The following SGMS2 variants were observed in gnomAD, a reference collection of about 807,000 sequenced individuals.
The protein encoded by SGMS2 is phosphatidylcholine:ceramide cholinephosphotransferase 2.
A neutral mutation model predicts 43.8 loss-of-function variants in SGMS2; 21 were observed. The observed-to-expected ratio is 0.48, with a 90% CI of 0.34 to 0.69. The LOEUF (loss-of-function observed/expected upper bound fraction) is 0.69. Ranked by LOEUF, SGMS2 falls within the 30% of genes least tolerant of loss-of-function variation. The probability of loss-of-function intolerance (pLI) is 0.01; values close to 1 mark genes in which losing one functional copy is unlikely to be tolerated. For missense variants in SGMS2, 384 were observed against 443.2 expected, an observed-to-expected ratio of 0.87 and a Z score of 1.20; for synonymous variants, 167 against 160.6, an observed-to-expected ratio of 1.04 and a Z score of -0.30.
chr4:107,909,348 T>G (rs186797419), intron 6 of SGMS2, among the ~76,000 whole-genome samples: 2 of 152,252 alleles, frequency 1.3e-5, no homozygotes, highest in Non-Finnish European at 2.9e-5. Flanking sequence ...TGACCTCAGG[T>G]GATCCTCCCA....
rs541586197 is a variant in SGMS2 at position 107,898,543 on chromosome 4, A to C, written c.456-1032A>C. Among the ~76,000 whole-genome samples, 6 of 152,266 alleles carry C rather than the reference A, an allele frequency of 3.9e-5. No homozygotes were observed. The South Asian group carries it at 1.2e-3, about 32-fold the overall frequency. On this transcript the variant is annotated intron_variant, in intron 3 of 6. Transcript: ENST00000690982. ...CTAGAGTAATATGTTTTATGCAGTAATGAAGTTACACCTAGCAAGTCTAGG... is the reference window on the plus strand; with the variant it reads ...CTAGAGTAATATGTTTTATGCAGTACTGAAGTTACACCTAGCAAGTCTAGG...
At position 107,910,347 on chromosome 4, in the gene SGMS2, C is replaced by G. The variant is rs776309302; in HGVS notation, c.895-3C>G. On this transcript the variant is annotated splice_polypyrimidine_tract_variant and splice_region_variant and intron_variant, in intron 6 of 6. Transcript: ENST00000690982. ...CATTTAAATTTTTTTCTACCATTTA[C>G]AGAACTTGAAGGTCTCTTCACAGAC... is the stretch of plus-strand genomic sequence containing the variant. 1 of 1,611,474 alleles carries G rather than the reference C, an allele frequency of 6.2e-7. No homozygotes were observed. Among genetic ancestry groups the G allele is most frequent in the Non-Finnish European group, 8.5e-7 (1 of 1,178,850 alleles).
intron 2 of SGMS2, among the ~76,000 whole-genome samples, chr4:107,877,913 C>CTTTTTTTTTTTTTTTT (rs774442653): frequency 4.0e-4 from 41 of 102,186 alleles, no homozygotes; most frequent in African/African-American, 5.5e-4. Context: ...TTTTTCTTTT[C>CTTTTTTTTTTTTTTTT]TTTTTTTTTT....
intron 6 of SGMS2, 149 bp downstream of exon 6, chr4:107,908,880 G>A (rs1731843112): frequency 6.2e-6 from 4 of 642,896 alleles, no homozygotes; most frequent in Admixed American, 3.5e-5. Flanking sequence ...TTAAAATAAA[G>A]CAAAGAACTT....
At chr4:107,876,230 A>G (rs1211267271) in intron 2 of SGMS2, among the ~76,000 whole-genome samples, 1 of 152,154 alleles carries the variant, frequency 6.6e-6, no homozygotes, top group Non-Finnish European at 1.5e-5. Flanking sequence ...TTAGACTCCT[A>G]CAAGGAAATG....
At chr4:107,903,881 A>G (rs781465390) in intron 5 of SGMS2, among the ~76,000 whole-genome samples, 23 of 152,236 alleles carry the variant, frequency 1.5e-4, no homozygotes, top group Middle Eastern at 3.4e-3. Context: ...TAATTTCATC[A>G]TCATCTAGCA....
intron 2 of SGMS2, among the ~76,000 whole-genome samples, chr4:107,884,676 G>A (rs1326647775): frequency 2.6e-5 from 4 of 152,124 alleles, no homozygotes; most frequent in Non-Finnish European, 5.9e-5. Flanking sequence ...AAACCCAAAA[G>A]AATGCAACCG....
chr4:107,841,074 G>A (rs1327516929), intron 1 of SGMS2, among the ~76,000 whole-genome samples: 2 of 152,180 alleles, frequency 1.3e-5, no homozygotes, highest in Admixed American at 6.5e-5. Flanking sequence ...TTATGGAAAA[G>A]GACCAATGGT....
At position 107,911,154 on chromosome 4, in the gene SGMS2, T is replaced by A. The variant is rs1732093467; in HGVS notation, c.*601T>A. On this transcript the variant is annotated 3_prime_UTR_variant, in exon 7 of 7. Transcript: ENST00000690982. ...CATATCACTTTTTTTTGTTTTGTTT[T>A]GTTTTGTTTTTAAAAGATCATTTTA... 2.0e-5 allele frequency: 3 copies of A among 152,242 alleles called. No individual in the cohort carries two copies. The highest frequency in any genetic ancestry group is 4.4e-5 in the Non-Finnish European group (3 of 68,066). The allele number at this position is 152,242 out of a possible 1,614,324, so 9.4% of individuals were successfully genotyped here.
At chr4:107,852,407 G>A (rs1019236996) in intron 1 of SGMS2, among the ~76,000 whole-genome samples, 3 of 152,068 alleles carry the variant, frequency 2.0e-5, no homozygotes, top group Non-Finnish European at 4.4e-5. Context: ...GGGAGTTTTT[G>A]TGTCATCTTT....
intron 2 of SGMS2, among the ~76,000 whole-genome samples, chr4:107,861,133 A>G (rs1727710102): frequency 6.6e-6 from 1 of 152,194 alleles, no homozygotes; most frequent in Admixed American, 6.5e-5. Context: ...AGATGAGACA[A>G]TTAGTGGTAA....
chr4:107,888,328 T>C (rs757034084), intron 2 of SGMS2, among the ~76,000 whole-genome samples: 14 of 152,142 alleles, frequency 9.2e-5, no homozygotes, highest in Non-Finnish European at 1.9e-4. Context: ...TGCAATAACC[T>C]TAATTTAAAA....
At position 107,899,564 on chromosome 4, in the gene SGMS2, T is replaced by C; in HGVS notation, c.456-11T>C. 6.3e-7 allele frequency: 1 copy of C among 1,592,300 alleles called. No individual in the cohort carries two copies. Among genetic ancestry groups the C allele is most frequent in the African/African-American group, 1.4e-5 (1 of 73,854 alleles). On this transcript the variant is annotated splice_polypyrimidine_tract_variant and intron_variant, in intron 3 of 6. Coordinates refer to ENST00000690982, the MANE Select transcript of SGMS2 (RefSeq NM_001375905.1). Reference sequence around the variant, plus strand: ...AAACTTGTTTTTCCCCATCCCTATTTTTTCTTTTAGGTCAATAGTGGGACG... The same window carrying C: ...AAACTTGTTTTTCCCCATCCCTATTCTTTCTTTTAGGTCAATAGTGGGACG...
At chr4:107,864,973 A>G (rs7677196) in intron 2 of SGMS2, among the ~76,000 whole-genome samples, 82,536 of 152,040 alleles carry the variant, frequency 0.54, 23,386 homozygotes, top group African/African-American at 0.67. Flanking sequence ...TAAGTTCTCT[A>G]TCTTTCATCA....
intron 4 of SGMS2, among the ~76,000 whole-genome samples, chr4:107,900,908 G>A (rs533014176): frequency 2.6e-5 from 4 of 152,238 alleles, no homozygotes; most frequent in Non-Finnish European, 4.4e-5. Context: ...AACACTGGCC[G>A]ATTTTAGTGA....
chr4:107,860,766 C>T (rs1340857750), intron 2 of SGMS2, among the ~76,000 whole-genome samples: 4 of 152,142 alleles, frequency 2.6e-5, no homozygotes, highest in African/African-American at 9.7e-5. Context: ...CTCAGGTAAT[C>T]CGCCTGCCTC....
At chr4:107,881,902 A>G (rs1201507632) in intron 2 of SGMS2, among the ~76,000 whole-genome samples, 2 of 152,206 alleles carry the variant, frequency 1.3e-5, no homozygotes, top group African/African-American at 4.8e-5. Context: ...TTCAATTAAC[A>G]TAATGTTTTC....
intron 2 of SGMS2, chr4:107,867,151 C>T (rs967158849): frequency 6.6e-6 from 1 of 152,206 alleles, no homozygotes; most frequent in Non-Finnish European, 1.5e-5. Flanking sequence ...CCAAGACTCT[C>T]TGTACTGTAA....
Position 107,828,097 on chromosome 4 carries a change from CATATT to C in SGMS2, c.-327+2848_-327+2852del, listed in dbSNP as rs1430874577. Among the ~76,000 whole-genome samples the C allele has an allele frequency of 2.6e-5, 4 of 152,200 alleles. No homozygotes were observed. The South Asian group carries it at 6.2e-4, about 24-fold the overall frequency. ...AGTATTCCAACTTATTAGTTTTCCC[CATATT>C]ATAAGTAATGTGTTACTTATGGAAA... On this transcript the variant is annotated intron_variant, in intron 1 of 6. Transcript: ENST00000690982.
Sources: gnomAD v4.1 joint callset for allele counts (sites outside exome capture counted in the v4.1 genomes callset) on GRCh38, gnomAD v4.1.1 for gene constraint, MANE v1.5 for transcripts, NCBI Gene and HGNC (gene_info 2026-07-23, HGNC 2026-07-21) for gene names.